Variants in CEP85 observed in about 807,000 individuals in gnomAD.
CEP85 encodes the protein centrosomal protein 85.
A neutral mutation model predicts 93.7 loss-of-function variants in CEP85; 58 were observed. The ratio of observed to expected loss-of-function variants is 0.62; its 90% CI spans 0.50 to 0.77. The LOEUF is 0.77. Among genes scored for constraint, CEP85 ranks in the 30% least tolerant of loss-of-function variants. CEP85 has a pLI of 0.00. For missense variants in CEP85, 868 were observed against 922.0 expected (o/e 0.94, Z 0.76); for synonymous variants, 314 against 338.6 (o/e 0.93, Z 0.80).
chr1:26,245,301 G>T (rs1271251599), intron 3 of CEP85, among the ~76,000 whole-genome samples: 2 of 151,828 alleles, frequency 1.3e-5, no homozygotes, highest in African/African-American at 4.8e-5. Flanking sequence ...AGTGCTGAGT[G>T]CTGGGATTAC....
intron 7 of CEP85, among the ~76,000 whole-genome samples, chr1:26,267,600 A>G (rs926530544): frequency 6.6e-6 from 1 of 152,196 alleles, no homozygotes; most frequent in Non-Finnish European, 1.5e-5. Context: ...GGACCAGCCA[A>G]ATGACATAGG....
In CEP85 at chr1:26,277,358, GC is replaced by G. The variant is rs2090068951; in HGVS notation, c.*68del. 2.0e-6 allele frequency: 3 copies of G among 1,493,198 alleles called. No individual in the cohort carries two copies. Among genetic ancestry groups the G allele is most frequent in the African/African-American group, 1.4e-5 (1 of 71,950 alleles). The allele number at this position is 1,493,198 out of a possible 1,614,324, so 92.5% of individuals were successfully genotyped here. On this transcript the variant is annotated 3_prime_UTR_variant, in exon 14 of 14. Coordinates refer to ENST00000451429, the MANE Select transcript of CEP85 (RefSeq NM_001319944.2). The stretch of plus-strand genomic sequence containing the variant: ...TGAGAGCCTAGTCCAGCAGGTTTCT[GC>G]CCTGACATTCTCTTGTCTGCTATTC...
chr1:26,260,971 A>G (rs2124591617), intron 7 of CEP85, among the ~76,000 whole-genome samples: 1 of 151,532 alleles, frequency 6.6e-6, no homozygotes, highest in Non-Finnish European at 1.5e-5. Flanking sequence ...TTGTAATTTT[A>G]GTGGAGATGG....
intron 8 of CEP85, 65 bp from the exon 9 acceptor site, chr1:26,269,395 G>C: frequency 1.3e-6 from 2 of 1,514,100 alleles, no homozygotes; most frequent in South Asian, 2.3e-5. Flanking sequence ...TGACACCGAG[G>C]AACAAGCATT....
chr1:26,259,850 A>AG, intron 7 of CEP85, 48 bp downstream of exon 7: 1 of 1,494,062 alleles, frequency 6.7e-7, no homozygotes, highest in Non-Finnish European at 9.1e-7. Flanking sequence ...GTTGGCAGTC[A>AG]GCTGTCTACT....
chr1:26,263,679 C>CAA (rs1003596090), intron 7 of CEP85, among the ~76,000 whole-genome samples: 1 of 142,690 alleles, frequency 7.0e-6, no homozygotes, highest in Non-Finnish European at 1.5e-5. Context: ...GACATTGTCT[C>CAA]AAAAAAAAAA....
chr1:26,234,895 CTT>C (rs2124548693), intron 1 of CEP85, among the ~76,000 whole-genome samples: 1 of 152,312 alleles, frequency 6.6e-6, no homozygotes, highest in South Asian at 2.1e-4. Context: ...TCTGGAAACA[CTT>C]TTGATAGTCA....
chr1:26,263,689 AAGG>A (rs1324333747), intron 7 of CEP85, among the ~76,000 whole-genome samples: 2 of 152,102 alleles, frequency 1.3e-5, no homozygotes, highest in Non-Finnish European at 2.9e-5. Context: ...CAAAAAAAAA[AAGG>A]AAAAAGATCA....
At chr1:26,276,815 C>G in intron 13 of CEP85, 55 bp downstream of exon 13, 1 of 1,327,802 alleles carries the variant, frequency 7.5e-7, no homozygotes, top group East Asian at 2.4e-5. Flanking sequence ...TTTCTCTTCT[C>G]TCCCCCATCC....
chr1:26,244,647 G>C (rs1197602861), intron 3 of CEP85, among the ~76,000 whole-genome samples: 6 of 151,958 alleles, frequency 3.9e-5, no homozygotes, highest in Non-Finnish European at 7.4e-5. Context: ...CAGCCTCCTA[G>C]GTAGCTGAGA....
intron 9 of CEP85, 53 bp from the exon 10 acceptor site, chr1:26,270,961 C>G (rs1450280297): frequency 8.9e-7 from 1 of 1,127,830 alleles, no homozygotes; most frequent in African/African-American, 1.5e-5. Context: ...AACCAAGAAT[C>G]AAAGCCACTT....
At chr1:26,248,323 TC>T (rs1294573843) in intron 3 of CEP85, among the ~76,000 whole-genome samples, 3 of 152,312 alleles carry the variant, frequency 2.0e-5, no homozygotes, top group Middle Eastern at 6.8e-3. Context: ...TCTAGATTTT[TC>T]CCCCATTGAA....
intron 2 of CEP85, among the ~76,000 whole-genome samples, chr1:26,242,457 T>C (rs1184614382): frequency 6.6e-6 from 1 of 152,202 alleles, no homozygotes; most frequent in Non-Finnish European, 1.5e-5. Flanking sequence ...AATTACAGAT[T>C]ACTGAGTGTA....
At position 26,247,746 on chromosome 1, in the gene CEP85, A is replaced by G. The variant is rs372445479; in HGVS notation, c.208+3428A>G. The stretch of plus-strand genomic sequence containing the variant: ...AGCCTTGAACTCCTGGGCTCAACCT[A>G]TCTTTCCACCTAAGCCTTCCAAGTA... On this transcript the variant is annotated intron_variant, in intron 3 of 13. Coordinates refer to ENST00000451429, the MANE Select transcript of CEP85 (RefSeq NM_001319944.2). Among the ~76,000 whole-genome samples, 393 of 152,208 alleles carry G rather than the reference A, an allele frequency of 2.6e-3. 2 individuals carry two copies. Among genetic ancestry groups the G allele is most frequent in the Middle Eastern group, 0.014 (4 of 294 alleles).
rs749830634 is a variant in CEP85, at chr1:26,259,816, C to G, written c.1341+14C>G. The G allele has an allele frequency of 5.0e-6, 8 of 1,597,136 alleles. No individual in the cohort carries two copies. In the South Asian group the frequency reaches 9.1e-5, roughly 18 times the overall value. On this transcript the variant is annotated intron_variant, in intron 7 of 13. Coordinates refer to ENST00000451429, the MANE Select transcript of CEP85 (RefSeq NM_001319944.2). ...CAGGAAGAAAGGGTGAGCTGAGTAG[C>G]TGATAGCCCTAGTTCACAAAGGAGT... is the stretch of plus-strand genomic sequence containing the variant.
chr1:26,259,748 G>C lies in CEP85; in HGVS notation c.1287G>C (p.Ser429=). ...SEVEVQLIRE[S]LKVALQKHSE... ...TTGAAGTCCAGCTCATCAGAGAGTCGCTCAAAGTGGCGTTGCAGAAGCATT... is the reference window on the plus strand; with the variant it reads ...TTGAAGTCCAGCTCATCAGAGAGTCCCTCAAAGTGGCGTTGCAGAAGCATT... The change falls in exon 7 of 14, where the codon TCG becomes TCC. Residue 429 remains serine, a synonymous_variant. Coordinates refer to ENST00000451429, the MANE Select transcript of CEP85 (RefSeq NM_001319944.2). 1 of 1,613,450 alleles carries C rather than the reference G, an allele frequency of 6.2e-7. No individual in the cohort carries two copies. Among genetic ancestry groups the C allele is most frequent in the Non-Finnish European group, 8.5e-7 (1 of 1,179,768 alleles).
chr1:26,262,577 A>G (rs1055325266), intron 7 of CEP85, among the ~76,000 whole-genome samples: 4 of 152,162 alleles, frequency 2.6e-5, no homozygotes, highest in Admixed American at 2.6e-4. Context: ...ACACTAATGA[A>G]AATAAAATCA....
chr1:26,258,270 G>A lies in CEP85; in HGVS notation c.1155+10G>A, dbSNP rs1398599630. The A allele has an allele frequency of 1.3e-6, 2 of 1,567,596 alleles. No homozygotes were observed. The highest frequency in any genetic ancestry group is 1.8e-6 in the Non-Finnish European group (2 of 1,137,908). ...CTTGCTGAGGCTACAGGTAAGTATT[G>A]GCCATCAGGATGGCATTCTGTTTGT... is the stretch of plus-strand genomic sequence containing the variant. On this transcript the variant is annotated intron_variant, in intron 6 of 13. Coordinates refer to ENST00000451429, the MANE Select transcript of CEP85 (RefSeq NM_001319944.2).
At chr1:26,240,872 TG>T (rs1362617497) in intron 2 of CEP85, among the ~76,000 whole-genome samples, 1 of 150,234 alleles carries the variant, frequency 6.7e-6, no homozygotes, top group Non-Finnish European at 1.5e-5. Context: ...CACTCCAGCC[TG>T]GGCAACAGAG....
Sources: allele counts gnomAD v4.1 joint callset (sites outside exome capture counted in the v4.1 genomes callset), GRCh38; gene constraint gnomAD v4.1.1; transcripts MANE v1.5; gene names NCBI Gene and HGNC (gene_info 2026-07-23, HGNC 2026-07-21).